The following CHRNA4 variants were observed in gnomAD, a reference collection of about 807,000 sequenced individuals.
The protein encoded by CHRNA4 is neuronal acetylcholine receptor subunit alpha-4.
Under a neutral mutation model 48.9 loss-of-function variants are expected in CHRNA4, and 28 were observed. The observed-to-expected ratio is 0.57, with a 90% CI of 0.42 to 0.79. The LOEUF (loss-of-function observed/expected upper bound fraction) is 0.79, where lower values mean the gene tolerates loss of function less well. Among genes scored for constraint, CHRNA4 ranks in the 30% least tolerant of loss-of-function variants. The pLI, the probability that CHRNA4 is intolerant of heterozygous loss-of-function variation, is 0.00. For missense variants in CHRNA4, 859 were observed against 898.4 expected (o/e 0.96, Z 0.56); for synonymous variants, 425 against 402.3 (o/e 1.06, Z -0.68).
Position 63,345,658 on chromosome 20 carries a change from G to A in CHRNA4, c.*1080C>T, listed in dbSNP as rs895807457. The A allele has an allele frequency of 1.5e-5, 7 of 453,804 alleles. No homozygotes were observed. The highest frequency in any genetic ancestry group is 1.8e-5 in the Non-Finnish European group (4 of 226,662). The allele number at this position is 453,804 out of a possible 1,614,324, so 28.1% of individuals were successfully genotyped here. A position where few individuals can be genotyped will look rare whatever the true frequency, so the allele number is the denominator to read the frequency against. On this transcript the variant is annotated 3_prime_UTR_variant, in exon 6 of 6. Transcript: ENST00000370263. The surrounding 1 kb of genome is among the most constrained non-coding windows in gnomAD (Gnocchi z 5.4). ...CCTGACTCCCATGAGGCTTCTCAGGGACTTCCTGCCCCGAGGGTCCCAGCA... is the reference window on the plus strand; with the variant it reads ...CCTGACTCCCATGAGGCTTCTCAGGAACTTCCTGCCCCGAGGGTCCCAGCA...
chr20:63,352,263 C>T (rs900689984), intron 4 of CHRNA4, among the ~76,000 whole-genome samples: 1 of 152,190 alleles, frequency 6.6e-6, no homozygotes, highest in Admixed American at 6.5e-5. Context: ...CCCCCGAGTC[C>T]CAGGGCTGGA....
Position 63,344,476 on chromosome 20 carries a change from GA to G in CHRNA4, c.*2261del, listed in dbSNP as rs1186346856. The G allele has an allele frequency of 1.3e-4, 55 of 433,212 alleles. No individual in the cohort carries two copies. The highest frequency in any genetic ancestry group is 1.2e-3 in the African/African-American group (54 of 45,186). 26.8% of individuals were successfully genotyped at this position (433,212 alleles called of 1,614,324 possible). A position where few individuals can be genotyped will look rare whatever the true frequency, so the allele number is the denominator to read the frequency against. Reference sequence around the variant, plus strand: ...TGGTGGGAATATGGTGCTTTATTTGGATTTTTTTTTTGAGCCTCAAAAAAAA... The same window carrying G: ...TGGTGGGAATATGGTGCTTTATTTGGTTTTTTTTTTGAGCCTCAAAAAAAA... On this transcript the variant is annotated 3_prime_UTR_variant, in exon 6 of 6. Coordinates refer to ENST00000370263, the MANE Select transcript of CHRNA4 (RefSeq NM_000744.7). This position sits in a 1 kb window ranked among gnomAD's most constrained non-coding sequence, Gnocchi z 4.5.
Position 63,345,175 on chromosome 20 carries a change from T to A in CHRNA4, c.*1563A>T, listed in dbSNP as rs2068471358. ...ATTCATTCTGCTCTCAGGCACCTCC[T>A]GACGAGACCCTGGCCCAGGAGAGCT... On this transcript the variant is annotated 3_prime_UTR_variant, in exon 6 of 6. Coordinates refer to ENST00000370263, the MANE Select transcript of CHRNA4 (RefSeq NM_000744.7). This position sits in a 1 kb window ranked among gnomAD's most constrained non-coding sequence, Gnocchi z 5.4. The A allele has an allele frequency of 2.2e-6, 1 of 451,424 alleles. No homozygotes were observed. 28.0% of individuals were successfully genotyped at this position (451,424 alleles called of 1,614,324 possible). A position where few individuals can be genotyped will look rare whatever the true frequency, so the allele number is the denominator to read the frequency against.
chr20:63,359,388 G>T, intron 2 of CHRNA4, 160 bp downstream of exon 2: 1 of 892,692 alleles, frequency 1.1e-6, no homozygotes, highest in Non-Finnish European at 1.8e-6. Context: ...GGGCTCAGGC[G>T]GGGCAGAGCT....
At chr20:63,356,469 C>T (rs2068720900) in intron 2 of CHRNA4, 54 bp from the exon 3 acceptor site, 3 of 1,532,714 alleles carry the variant, frequency 2.0e-6, no homozygotes, top group South Asian at 1.2e-5. Context: ...CTTTCTCTGG[C>T]CCTAGGTTTC....
intron 2 of CHRNA4, among the ~76,000 whole-genome samples, chr20:63,357,373 G>A (rs1338018590): frequency 2.0e-5 from 3 of 152,184 alleles, no homozygotes; most frequent in Non-Finnish European, 4.4e-5. Context: ...GGCCAGGCCT[G>A]GCCCTCCTGC....
Position 63,350,716 on chromosome 20 carries a change from T to G in CHRNA4, c.695A>C (p.Asp232Ala). Reference protein sequence around the residue: ...KYECCAEIYPDITYAFVIRRL... With the variant: ...KYECCAEIYPAITYAFVIRRL... ...CCGGATGACGAAGGCATAGGTGATG[T>G]CCGGGTAGATCTCGGCACAGCACTC... Residue 232 changes from aspartate (D) to alanine (A), a missense_variant, in exon 5 of 6, where the codon GAC becomes GCC. Physicochemically the swap from Asp to Ala is moderately radical, Grantham distance 126. Around this residue, in one of 3 missense-constraint regions of CHRNA4, gnomAD observed 342 missense variants for 365.3 expected, o/e 0.94. Coordinates refer to ENST00000370263, the MANE Select transcript of CHRNA4 (RefSeq NM_000744.7). The G allele has an allele frequency of 6.2e-7, 1 of 1,613,640 alleles. No individual in the cohort carries two copies. Among genetic ancestry groups the G allele is most frequent in the Non-Finnish European group, 8.5e-7 (1 of 1,179,922 alleles).
intron 4 of CHRNA4, among the ~76,000 whole-genome samples, chr20:63,351,974 C>T (rs1263587100): frequency 6.6e-6 from 1 of 152,204 alleles, no homozygotes; most frequent in Non-Finnish European, 1.5e-5. Context: ...TCCACCCCCA[C>T]CCACAGAAGT....
intron 1 of CHRNA4, chr20:63,360,101 C>T: frequency 3.6e-6 from 1 of 281,494 alleles, no homozygotes; most frequent in South Asian, 3.7e-5. Flanking sequence ...TGCTTTGGGT[C>T]TCCTGTCACA....
chr20:63,352,669 T>A (rs933626960), intron 4 of CHRNA4, among the ~76,000 whole-genome samples: 1 of 152,236 alleles, frequency 6.6e-6, no homozygotes, highest in Non-Finnish European at 1.5e-5. Flanking sequence ...AAGATTCTCA[T>A]ATGGCAAGCG....
rs548819988 is a variant in CHRNA4 at position 63,344,004 on chromosome 20, C to T, written c.*2734G>A. The T allele has an allele frequency of 8.8e-6, 4 of 454,084 alleles. No homozygotes were observed. The highest frequency in any genetic ancestry group is 8.0e-5 in the African/African-American group (4 of 50,098). 28.1% of individuals were successfully genotyped at this position (454,084 alleles called of 1,614,324 possible). A position where few individuals can be genotyped will look rare whatever the true frequency, so the allele number is the denominator to read the frequency against. Reference sequence around the variant, plus strand: ...ATAAACATGCATAACGGATAGAGTGCCATGCACACACCGGCACCTCCATTC... The same window carrying T: ...ATAAACATGCATAACGGATAGAGTGTCATGCACACACCGGCACCTCCATTC... On this transcript the variant is annotated 3_prime_UTR_variant, in exon 6 of 6. Coordinates refer to ENST00000370263, the MANE Select transcript of CHRNA4 (RefSeq NM_000744.7). This position sits in a 1 kb window ranked among gnomAD's most constrained non-coding sequence, Gnocchi z 4.5.
At position 63,344,420 on chromosome 20, in the gene CHRNA4, C is replaced by G. The variant is rs376422342; in HGVS notation, c.*2318G>C. 2.2e-6 allele frequency: 1 copy of G among 453,704 alleles called. No individual in the cohort carries two copies. The highest frequency in any genetic ancestry group is 2.0e-5 in the African/African-American group (1 of 49,942). 28.1% of individuals were successfully genotyped at this position (453,704 alleles called of 1,614,324 possible). On this transcript the variant is annotated 3_prime_UTR_variant, in exon 6 of 6. Transcript: ENST00000370263. This position sits in a 1 kb window ranked among gnomAD's most constrained non-coding sequence, Gnocchi z 4.5. ...ATAAAAACAGCACTGGACGCAAATA[C>G]GCCAACATTGTTGTCAAGGTTAATT...
At chr20:63,359,720 G>C in intron 1 of CHRNA4, 21 bp from the exon 2 acceptor site, 1 of 1,608,932 alleles carries the variant, frequency 6.2e-7, no homozygotes, top group East Asian at 2.2e-5. Flanking sequence ...AGGCAGGCCA[G>C]TGGCTCAGGT....
Position 63,343,527 on chromosome 20 carries a change from T to G in CHRNA4, c.*3211A>C, listed in dbSNP as rs368165422. 3 of 454,130 alleles carry G rather than the reference T, an allele frequency of 6.6e-6. No individual in the cohort carries two copies. In the Admixed American group the frequency reaches 7.0e-5, roughly 11 times the overall value. 28.1% of individuals were successfully genotyped at this position (454,130 alleles called of 1,614,324 possible). On this transcript the variant is annotated 3_prime_UTR_variant, in exon 6 of 6. Transcript: ENST00000370263. Reference sequence around the variant, plus strand: ...AGCAGCTGCGTGCCCTAGAGTGTCCTGGGCCCGGCCTTAACTTACAAGGGA... The same window carrying G: ...AGCAGCTGCGTGCCCTAGAGTGTCCGGGGCCCGGCCTTAACTTACAAGGGA...
rs900239208 is a variant in CHRNA4, at chr20:63,343,796, G to A, written c.*2942C>T. 16 of 453,994 alleles carry A rather than the reference G, an allele frequency of 3.5e-5. No individual in the cohort carries two copies. The highest frequency in any genetic ancestry group is 5.7e-5 in the Non-Finnish European group (13 of 226,782). 28.1% of individuals were successfully genotyped at this position (453,994 alleles called of 1,614,324 possible). On this transcript the variant is annotated 3_prime_UTR_variant, in exon 6 of 6. Coordinates refer to ENST00000370263, the MANE Select transcript of CHRNA4 (RefSeq NM_000744.7). Reference sequence around the variant, plus strand: ...GCTTCGAGCTGCAGCAGTGTCTCCCGCTGCCTGGTGCCTGGCACAGGGCGG... The same window carrying A: ...GCTTCGAGCTGCAGCAGTGTCTCCCACTGCCTGGTGCCTGGCACAGGGCGG...
intron 3 of CHRNA4, 31 bp downstream of exon 3, chr20:63,356,340 G>A (rs776982085): frequency 2.2e-5 from 35 of 1,560,802 alleles, no homozygotes; most frequent in Non-Finnish European, 3.0e-5. Context: ...GGGAGGGCAG[G>A]GGTGGGGCAG....
rs1197427903 is a variant in CHRNA4, at chr20:63,361,286, G to C, written c.-121C>G. On this transcript the variant is annotated 5_prime_UTR_variant, in exon 1 of 6. Transcript: ENST00000370263. Reference sequence around the variant, plus strand: ...GCGGGCCGCTTCGGCCGCCGGGCCCGGTTCGTCTTCTCCTGTGGGGCGCGG... The same window carrying C: ...GCGGGCCGCTTCGGCCGCCGGGCCCCGTTCGTCTTCTCCTGTGGGGCGCGG... 1.5e-6 allele frequency: 2 copies of C among 1,365,130 alleles called. No homozygotes were observed. Among genetic ancestry groups the C allele is most frequent in the Non-Finnish European group, 9.4e-7 (1 of 1,060,244 alleles). The allele number at this position is 1,365,130 out of a possible 1,614,324, so 84.6% of individuals were successfully genotyped here. A position where few individuals can be genotyped will look rare whatever the true frequency, so the allele number is the denominator to read the frequency against.
Position 63,356,421 on chromosome 20 carries a change from G to A in CHRNA4, c.229-6C>T, listed in dbSNP as rs1424354974. The A allele has an allele frequency of 6.2e-7, 1 of 1,600,244 alleles. No individual in the cohort carries two copies. The highest frequency in any genetic ancestry group is 2.3e-5 in the East Asian group (1 of 44,442). On this transcript the variant is annotated splice_region_variant and splice_polypyrimidine_tract_variant and intron_variant, in intron 2 of 5. Transcript: ENST00000370263. The stretch of plus-strand genomic sequence containing the variant: ...ATCATCTGGTTCTTCTCATCCTAGG[G>A]CACCGAGAGAGGAAGGGGGCCAGTG...
rs6090386 is a variant in CHRNA4, at chr20:63,361,076, G to A, written c.76+14C>T. On this transcript the variant is annotated intron_variant, in intron 1 of 5. Transcript: ENST00000370263. ...GCGGGCGAAAGGGGGCCCATCCCGC[G>A]CCCCGTAACTTACCGCGCAGGAGGC... 1 of 1,438,778 alleles carries A rather than the reference G, an allele frequency of 7.0e-7. No homozygotes were observed. 89.1% of individuals were successfully genotyped at this position (1,438,778 alleles called of 1,614,324 possible). A position where few individuals can be genotyped will look rare whatever the true frequency, so the allele number is the denominator to read the frequency against.
Sources: gnomAD v4.1 joint callset for allele counts (sites outside exome capture counted in the v4.1 genomes callset) on GRCh38, gnomAD v4.1.1 for gene constraint, gnomAD v4.1.1 regional missense constraint, Gnocchi (gnomAD v3.1) non-coding constraint, MANE v1.5 for transcripts, NCBI Gene and HGNC (gene_info 2026-07-23, HGNC 2026-07-21) for gene names.